The following TLR7 variants were observed in gnomAD, a reference collection of about 807,000 sequenced individuals.
The protein encoded by TLR7 is toll like receptor 7.
TLR7 carries 12 observed loss-of-function variants against 38.3 expected under a neutral mutation model. That is an observed-to-expected ratio of 0.31 (90% CI 0.20 to 0.51). The LOEUF (loss-of-function observed/expected upper bound fraction) is 0.51. Among genes scored for constraint, TLR7 ranks in the 20% least tolerant of loss-of-function variants. The probability of loss-of-function intolerance (pLI) is 0.98; values close to 1 mark genes in which losing one functional copy is unlikely to be tolerated. For synonymous variants in TLR7, 285 were observed against 293.8 expected, an observed-to-expected ratio of 0.97 and a Z score of 0.31; for missense variants, 504 against 743.4, an observed-to-expected ratio of 0.68 and a Z score of 3.74.
chrX:12,868,435 G>A (rs1421322427), intron 2 of TLR7, among the ~76,000 whole-genome samples: 3 of 111,834 alleles, frequency 2.7e-5, no homozygotes, highest in Non-Finnish European at 5.6e-5. Context: ...GCCTAGGGGT[G>A]TAGTAGAGCC....
intron 2 of TLR7, among the ~76,000 whole-genome samples, chrX:12,882,214 C>G (rs1032819459): frequency 1.8e-5 from 2 of 111,565 alleles, no homozygotes; most frequent in Admixed American, 1.9e-4. Flanking sequence ...ATGGTAGAGA[C>G]TTTGGATTTC....
chrX:12,868,788 A>G (rs1455440412), intron 2 of TLR7, among the ~76,000 whole-genome samples: 1 of 111,805 alleles, frequency 8.9e-6, no homozygotes, highest in Non-Finnish European at 1.9e-5. Flanking sequence ...TTTTGTGTCA[A>G]AGTTCTAATG....
chrX:12,883,434 A>G (rs983548721), intron 2 of TLR7, among the ~76,000 whole-genome samples: 7 of 111,844 alleles, frequency 6.3e-5, no homozygotes, highest in Non-Finnish European at 1.1e-4. Flanking sequence ...GAATTCAATC[A>G]GGTAAGCCGG....
At chrX:12,872,587 C>T (rs891671581) in intron 2 of TLR7, among the ~76,000 whole-genome samples, 2 of 110,669 alleles carry the variant, frequency 1.8e-5, no homozygotes, top group Admixed American at 9.6e-5. Context: ...GTGTGTGTGC[C>T]AGTACGCGCG....
intron 2 of TLR7, 100 bp downstream of exon 2, chrX:12,867,681 G>C (rs2042838571): frequency 1.2e-6 from 1 of 853,291 alleles, no homozygotes; most frequent in Admixed American, 2.6e-5. Context: ...TCTGTACTTA[G>C]GTTATTTGCT....
At position 12,885,983 on chromosome X, in the gene TLR7, A is replaced by G. The variant is rs2042909356; in HGVS notation, c.475A>G (p.Asn159Asp). ...ACAGCTTCTCAGCCTTGAGGCCAAC[A>G]ACATCTTTTCCATCAGAAAAGAGAA... ...SLQLLSLEAN[N>D]IFSIRKENLT... is the part of the protein sequence containing the mutation. Residue 159 changes from asparagine to aspartate, a missense_variant, in exon 3 of 3, where the codon AAC becomes GAC. Physicochemically the swap from Asn to Asp is conservative, Grantham distance 23. Coordinates refer to ENST00000380659, the MANE Select transcript of TLR7 (RefSeq NM_016562.4). 8.2e-7 allele frequency: 1 copy of G among 1,212,275 alleles called. No individual in the cohort carries two copies. The highest frequency in any genetic ancestry group is 1.1e-6 in the Non-Finnish European group (1 of 895,646).
At chrX:12,872,477 G>A (rs189932456) in intron 2 of TLR7, among the ~76,000 whole-genome samples, 5 of 110,809 alleles carry the variant, frequency 4.5e-5, no homozygotes, top group Non-Finnish European at 7.6e-5. Flanking sequence ...GGTGGTTGTC[G>A]TATAGCCAGG....
chrX:12,886,522 T>C lies in TLR7; in HGVS notation c.1014T>C (p.Phe338=), dbSNP rs1333003416. The change falls in exon 3 of 3, where the codon TTT becomes TTC. Residue 338 remains phenylalanine (F), a synonymous_variant. Transcript: ENST00000380659. The part of the protein sequence containing the change: ...KEIGDAKFLH[F]LPSLIQLDLS... Reference sequence around the variant, plus strand: ...TTGGGGATGCTAAATTTCTGCATTTTCTCCCCAGCCTCATCCAATTGGATC... The same window carrying C: ...TTGGGGATGCTAAATTTCTGCATTTCCTCCCCAGCCTCATCCAATTGGATC... The C allele has an allele frequency of 8.3e-7, 1 of 1,211,950 alleles. No homozygotes were observed. The highest frequency in any genetic ancestry group is 1.8e-5 in the South Asian group (1 of 57,000).
chrX:12,888,148 G>C lies in TLR7; in HGVS notation c.2640G>C (p.Gly880=), dbSNP rs184835334. The C allele has an allele frequency of 4.1e-6, 5 of 1,210,213 alleles. No individual in the cohort carries two copies. In the African/African-American group the frequency reaches 8.7e-5, roughly 21 times the overall value. ...IYHFCKAKIK[G]YQRLISPDCC... ...ATTTCTGTAAGGCCAAGATAAAGGG[G>C]TATCAGCGTCTAATATCACCAGACT... The change falls in exon 3 of 3, where the codon GGG becomes GGC. Residue 880 remains glycine (G), a synonymous_variant. Transcript: ENST00000380659.
At chrX:12,874,310 ACT>A (rs1387015253) in intron 2 of TLR7, among the ~76,000 whole-genome samples, 6 of 111,361 alleles carry the variant, frequency 5.4e-5, no homozygotes, top group Non-Finnish European at 7.5e-5. Context: ...ACAGAGTGAG[ACT>A]CTGTCTCAAA....
chrX:12,881,367 A>AAGTTATTTATTCTTTTTAATAAATAAATG (rs1477357957), intron 2 of TLR7, among the ~76,000 whole-genome samples: 1 of 105,875 alleles, frequency 9.4e-6, no homozygotes, highest in Non-Finnish European at 1.9e-5. Context: ...ACCTGAACTG[A>AAGTTATTTATTCTTTTTAATAAATAAATG]AGTTATTTAT....
chrX:12,885,331 T>A (rs5743778), intron 2 of TLR7, among the ~76,000 whole-genome samples, 181 bp from the exon 3 acceptor site: 2,727 of 112,321 alleles, frequency 0.024, 89 homozygotes, highest in African/African-American at 0.083. Context: ...ACTAAATAGT[T>A]GCAAATCTCA....
chrX:12,879,511 G>A lies in TLR7; in HGVS notation c.4-6001G>A, dbSNP rs1370615126. On this transcript the variant is annotated intron_variant, in intron 2 of 2. Coordinates refer to ENST00000380659, the MANE Select transcript of TLR7 (RefSeq NM_016562.4). ...TGCTCTGCTCTCTGAGGTCATATAA[G>A]GAAGGATCTGGATGCTCTGGGTCAT... is the stretch of plus-strand genomic sequence containing the variant. Among the ~76,000 whole-genome samples, 3 of 112,017 alleles carry A rather than the reference G, an allele frequency of 2.7e-5. No homozygotes were observed. In the East Asian group the frequency reaches 8.4e-4, roughly 31 times the overall value.
At chrX:12,881,722 G>A (rs978593688) in intron 2 of TLR7, among the ~76,000 whole-genome samples, 2 of 110,108 alleles carry the variant, frequency 1.8e-5, no homozygotes, top group East Asian at 2.8e-4. Context: ...TACATGTAGC[G>A]TATTACCTTC....
intron 2 of TLR7, among the ~76,000 whole-genome samples, chrX:12,877,254 C>T (rs776821687): frequency 1.4e-4 from 15 of 110,833 alleles, no homozygotes; most frequent in Non-Finnish European, 2.3e-4. Flanking sequence ...AAGTTTAACA[C>T]AGCCTAAGGT....
chrX:12,878,459 T>C (rs1279029356), intron 2 of TLR7, among the ~76,000 whole-genome samples: 1 of 111,960 alleles, frequency 8.9e-6, no homozygotes, highest in Non-Finnish European at 1.9e-5. Context: ...ATATTTACCA[T>C]CTGGCCCTTT....
intron 2 of TLR7, among the ~76,000 whole-genome samples, chrX:12,871,751 C>A (rs1408268540): frequency 9.0e-6 from 1 of 111,160 alleles, no homozygotes; most frequent in Non-Finnish European, 1.9e-5. Flanking sequence ...ATGTTGTAGC[C>A]CAGGGGGTGC....
intron 2 of TLR7, among the ~76,000 whole-genome samples, chrX:12,875,603 G>C (rs1484169982): frequency 2.7e-5 from 3 of 111,531 alleles, no homozygotes; most frequent in African/African-American, 9.8e-5. Context: ...GAATCATGGG[G>C]GCGGGTTTTT....
chrX:12,874,923 C>A (rs1211188942), intron 2 of TLR7, among the ~76,000 whole-genome samples: 4 of 110,132 alleles, frequency 3.6e-5, no homozygotes, highest in African/African-American at 1.3e-4. Context: ...GATAAAAACG[C>A]TATTTGGAAA....
Sources: gnomAD v4.1 joint callset for allele counts (sites outside exome capture counted in the v4.1 genomes callset) on GRCh38, gnomAD v4.1.1 for gene constraint, MANE v1.5 for transcripts, NCBI Gene and HGNC (gene_info 2026-07-23, HGNC 2026-07-21) for gene names.